The following MAML3 variants were observed in gnomAD, a reference collection of about 807,000 sequenced individuals.
The protein encoded by MAML3 is mastermind-like protein 3.
In MAML3, 27 loss-of-function variants were observed where a neutral mutation model predicts 101.9. The observed-to-expected ratio is 0.27, with a 90% CI of 0.20 to 0.37. The LOEUF (loss-of-function observed/expected upper bound fraction) is 0.37, where lower values mean the gene tolerates loss of function less well. MAML3 is among the 10% of genes least tolerant of loss of function. The pLI is 1.00. For synonymous variants in MAML3, 501 were observed against 555.9 expected (o/e 0.90, Z 1.39); for missense variants, 1,316 against 1,444.9 (o/e 0.91, Z 1.45).
chr4:139,998,875 T>C (rs989160890), intron 1 of MAML3, among the ~76,000 whole-genome samples: 1 of 152,192 alleles, frequency 6.6e-6, no homozygotes, highest in Non-Finnish European at 1.5e-5. Context: ...TGGCTTCCTA[T>C]TTGTTACCCC....
chr4:139,929,386 A>G (rs1312361531), intron 1 of MAML3, among the ~76,000 whole-genome samples: 7 of 152,272 alleles, frequency 4.6e-5, no homozygotes, highest in Non-Finnish European at 1.5e-5. Context: ...CTTTGAAGGT[A>G]GATAGTTAGC....
At chr4:140,130,990 G>C (rs959338316) in intron 1 of MAML3, among the ~76,000 whole-genome samples, 2 of 152,028 alleles carry the variant, frequency 1.3e-5, no homozygotes, top group Non-Finnish European at 2.9e-5. Flanking sequence ...AGCAGAATTA[G>C]GAAAAATCCC....
At chr4:140,134,198 C>T in intron 1 of MAML3, 1 of 456,700 alleles carries the variant, frequency 2.2e-6, no homozygotes, top group Non-Finnish European at 4.4e-6. Flanking sequence ...GTAGATTGGT[C>T]CCCTAACTTA....
chr4:140,001,876 T>C (rs4863720), intron 1 of MAML3, among the ~76,000 whole-genome samples: 76,545 of 152,028 alleles, frequency 0.5, 19,742 homozygotes, highest in East Asian at 0.65. Flanking sequence ...ACTACTATGC[T>C]TTTTTCAAAG....
chr4:140,038,304 T>C (rs551504728), intron 1 of MAML3, among the ~76,000 whole-genome samples: 1 of 152,342 alleles, frequency 6.6e-6, no homozygotes, highest in African/African-American at 2.4e-5. Flanking sequence ...TGAAATGAAT[T>C]GTCCAAGGTC....
At position 140,153,065 on chromosome 4, in the gene MAML3, T is replaced by C; in HGVS notation, c.263A>G (p.His88Arg). 6.4e-7 allele frequency: 1 copy of C among 1,568,502 alleles called. No individual in the cohort carries two copies. The highest frequency in any genetic ancestry group is 8.6e-7 in the Non-Finnish European group (1 of 1,156,484). The change falls in exon 1 of 5, where the codon CAC becomes CGC. Residue 88 changes from histidine (H) to arginine (R), a missense_variant. His to Arg is a conservative substitution (Grantham distance 29, BLOSUM62 0). Transcript: ENST00000509479. ...RQRIEGCRRHHVNCENRYQQA... is the reference protein window; with the variant it reads ...RQRIEGCRRHRVNCENRYQQA... ...CTGGTACCTGTTCTCGCAGTTGACG[T>C]GGTGCCGACGGCAGCCCTCGATGCG...
At chr4:140,117,730 T>C (rs1560898940) in intron 1 of MAML3, among the ~76,000 whole-genome samples, 1 of 151,888 alleles carries the variant, frequency 6.6e-6, no homozygotes, top group Non-Finnish European at 1.5e-5. Flanking sequence ...ATTGATCTAA[T>C]CTGATGCCAC....
chr4:139,732,165 AAC>A (rs1451407240), intron 2 of MAML3, among the ~76,000 whole-genome samples: 1 of 152,248 alleles, frequency 6.6e-6, no homozygotes, highest in Non-Finnish European at 1.5e-5. Flanking sequence ...ATTGGATTTT[AAC>A]ATTTTTCTTC....
intron 1 of MAML3, among the ~76,000 whole-genome samples, chr4:139,968,430 T>G (rs1433327762): frequency 1.3e-5 from 2 of 152,110 alleles, no homozygotes; most frequent in Admixed American, 1.3e-4. Flanking sequence ...TGACCCCCAT[T>G]ACCTGGCTGC....
chr4:140,125,087 A>C (rs1280969044), intron 1 of MAML3, among the ~76,000 whole-genome samples: 1 of 152,200 alleles, frequency 6.6e-6, no homozygotes, highest in Non-Finnish European at 1.5e-5. Flanking sequence ...ACTTTAGCTT[A>C]TTTTTCTATA....
At position 139,719,231 on chromosome 4, in the gene MAML3, AAAAC is replaced by A. The variant is rs1370005670; in HGVS notation, c.*88_*91del. On this transcript the variant is annotated 3_prime_UTR_variant, in exon 5 of 5. Coordinates refer to ENST00000509479, the MANE Select transcript of MAML3 (RefSeq NM_018717.5). ...TTTTGCTCAGTTTACGTGGGTCAAAAAAACAAAAAACAAGGATGGGTCAACATCC... is the reference window on the plus strand; with the variant it reads ...TTTTGCTCAGTTTACGTGGGTCAAAAAAAAAACAAGGATGGGTCAACATCC... 35 of 1,451,052 alleles carry A rather than the reference AAAAC, an allele frequency of 2.4e-5. No homozygotes were observed. Among genetic ancestry groups the A allele is most frequent in the Non-Finnish European group, 2.9e-5 (32 of 1,095,076 alleles). 89.9% of individuals were successfully genotyped at this position (1,451,052 alleles called of 1,614,324 possible). A position where few individuals can be genotyped will look rare whatever the true frequency, so the allele number is the denominator to read the frequency against.
At chr4:139,868,394 A>C (rs1183743781) in intron 2 of MAML3, among the ~76,000 whole-genome samples, 1 of 152,214 alleles carries the variant, frequency 6.6e-6, no homozygotes, top group Non-Finnish European at 1.5e-5. Context: ...ACTCAGCTTG[A>C]TACTACGAAA....
In MAML3 at chr4:139,889,633, G is replaced by A. The variant is rs760298571; in HGVS notation, c.1803C>T (p.Asn601=). 1.9e-6 allele frequency: 3 copies of A among 1,614,032 alleles called. No individual in the cohort carries two copies. In the East Asian group the frequency reaches 6.7e-5, roughly 36 times the overall value. The change falls in exon 2 of 5, where the codon AAC becomes AAT. Residue 601 remains asparagine, a synonymous_variant. Coordinates refer to ENST00000509479, the MANE Select transcript of MAML3 (RefSeq NM_018717.5). ...CATTGAAGTGGGTCAGGGGTTTAGT[G>A]TTGCCATAAGTCAGAATATTGTGCT... The part of the protein sequence containing the change: ...NKQHNILTYG[N]TKPLTHFNAD...
At chr4:140,116,401 C>T (rs1348701415) in intron 1 of MAML3, among the ~76,000 whole-genome samples, 2 of 152,304 alleles carry the variant, frequency 1.3e-5, no homozygotes, top group Middle Eastern at 3.4e-3. Flanking sequence ...AAAATGACAC[C>T]TATATAGAGA....
intron 1 of MAML3, among the ~76,000 whole-genome samples, chr4:140,037,824 C>G (rs774944454): frequency 1.3e-4 from 20 of 152,206 alleles, no homozygotes; most frequent in Admixed American, 5.9e-4. Context: ...TCAGCAGGCA[C>G]CCTGATTAGA....
At chr4:139,930,008 G>A (rs144953093) in intron 1 of MAML3, among the ~76,000 whole-genome samples, 19 of 152,238 alleles carry the variant, frequency 1.2e-4, no homozygotes, top group Admixed American at 6.5e-4. Flanking sequence ...CCATCTCCCC[G>A]TTTGTACAGG....
At chr4:140,151,253 C>T (rs1251484561) in intron 1 of MAML3, among the ~76,000 whole-genome samples, 1 of 151,224 alleles carries the variant, frequency 6.6e-6, no homozygotes, top group East Asian at 2.0e-4. Flanking sequence ...AAGGTGCTGC[C>T]GGCGGGACTG....
intron 2 of MAML3, among the ~76,000 whole-genome samples, chr4:139,779,939 G>A (rs1730168378): frequency 6.6e-6 from 1 of 152,214 alleles, no homozygotes; most frequent in Non-Finnish European, 1.5e-5. Flanking sequence ...CAAGCCATAT[G>A]CTGCTACTGT....
At chr4:139,857,171 G>C (rs1028903841) in intron 2 of MAML3, among the ~76,000 whole-genome samples, 12 of 152,190 alleles carry the variant, frequency 7.9e-5, no homozygotes, top group Non-Finnish European at 1.5e-4. Context: ...TGCTGGCTGA[G>C]GCAGGAAGAG....
Sources: allele counts gnomAD v4.1 joint callset (sites outside exome capture counted in the v4.1 genomes callset), GRCh38; gene constraint gnomAD v4.1.1; transcripts MANE v1.5; gene names NCBI Gene and HGNC (gene_info 2026-07-23, HGNC 2026-07-21).